The following ZFAND3 variants were observed in gnomAD, a reference collection of about 807,000 sequenced individuals.
ZFAND3 encodes the protein AN1-type zinc finger protein 3.
ZFAND3 carries 10 observed loss-of-function variants against 29.6 expected under a neutral mutation model. That is an observed-to-expected ratio of 0.34 (90% CI 0.21 to 0.57). The LOEUF is 0.57. Ranked by LOEUF, ZFAND3 falls within the 20% of genes least tolerant of loss-of-function variation. The pLI, the probability that ZFAND3 is intolerant of heterozygous loss-of-function variation, is 0.86. For synonymous variants in ZFAND3, 128 were observed against 112.6 expected (o/e 1.14, Z -0.87); for missense variants, 230 against 304.5 (o/e 0.76, Z 1.82).
At chr6:37,897,779 G>A (rs1765245900) in intron 1 of ZFAND3, among the ~76,000 whole-genome samples, 1 of 152,168 alleles carries the variant, frequency 6.6e-6, no homozygotes, top group Non-Finnish European at 1.5e-5. Flanking sequence ...ATAGATGTCT[G>A]CATTTTTGAA....
At chr6:37,959,483 G>A (rs1762157367) in intron 2 of ZFAND3, among the ~76,000 whole-genome samples, 1 of 152,032 alleles carries the variant, frequency 6.6e-6, no homozygotes, top group African/African-American at 2.4e-5. Flanking sequence ...TTAATAGTTA[G>A]CCTATTCTCT....
chr6:38,030,843 A>C (rs1240548301), intron 2 of ZFAND3, among the ~76,000 whole-genome samples: 1 of 152,234 alleles, frequency 6.6e-6, no homozygotes, highest in Non-Finnish European at 1.5e-5. Flanking sequence ...AATGGAGAAC[A>C]GAGGATGAAG....
At chr6:37,883,248 C>T (rs1273872048) in intron 1 of ZFAND3, among the ~76,000 whole-genome samples, 2 of 152,102 alleles carry the variant, frequency 1.3e-5, no homozygotes, top group African/African-American at 4.8e-5. Flanking sequence ...AAAACTAAAG[C>T]ATCTTACAGT....
intron 2 of ZFAND3, among the ~76,000 whole-genome samples, chr6:37,932,752 C>T (rs1761622719): frequency 6.6e-6 from 1 of 152,146 alleles, no homozygotes; most frequent in Admixed American, 6.5e-5. Context: ...TACAGTTTTA[C>T]TTTCTGTGTT....
chr6:38,134,833 A>C (rs139291839), intron 5 of ZFAND3, among the ~76,000 whole-genome samples: 139 of 152,318 alleles, frequency 9.1e-4, no homozygotes, highest in African/African-American at 3.0e-3. Flanking sequence ...GAGCCTGAAT[A>C]AGATTCTGTG....
chr6:37,894,476 C>T (rs150298443), intron 1 of ZFAND3, among the ~76,000 whole-genome samples: 3 of 151,750 alleles, frequency 2.0e-5, no homozygotes, highest in African/African-American at 7.3e-5. Flanking sequence ...CTCCAGTGAT[C>T]TTCCCACCTC....
intron 1 of ZFAND3, among the ~76,000 whole-genome samples, chr6:37,859,334 C>T (rs1764439063): frequency 6.6e-6 from 1 of 152,178 alleles, no homozygotes; most frequent in African/African-American, 2.4e-5. Context: ...CACACTTTTG[C>T]TTAAATTTTA....
At chr6:37,842,993 G>C (rs1467652278) in intron 1 of ZFAND3, among the ~76,000 whole-genome samples, 1 of 151,910 alleles carries the variant, frequency 6.6e-6, no homozygotes, top group Non-Finnish European at 1.5e-5. Flanking sequence ...GTGGTGGTGT[G>C]TGCCTGTAAT....
At chr6:37,862,084 TTTAAG>T (rs1295767824) in intron 1 of ZFAND3, among the ~76,000 whole-genome samples, 4 of 151,922 alleles carry the variant, frequency 2.6e-5, no homozygotes, top group Admixed American at 2.6e-4. Flanking sequence ...AATTTTATTT[TTTAAG>T]TTATGTTTTG....
At chr6:37,919,239 C>T (rs145720055) in intron 1 of ZFAND3, among the ~76,000 whole-genome samples, 114 of 152,232 alleles carry the variant, frequency 7.5e-4, no homozygotes, top group African/African-American at 2.3e-3. Context: ...TGAGCCACCG[C>T]GCCGGGCTGA....
chr6:37,999,102 G>A (rs924372156), intron 2 of ZFAND3, among the ~76,000 whole-genome samples: 13 of 152,068 alleles, frequency 8.5e-5, no homozygotes, highest in African/African-American at 3.1e-4. Flanking sequence ...ATATTATAGT[G>A]CCAAAAAGTA....
chr6:37,926,531 T>C (rs544867330), intron 1 of ZFAND3, among the ~76,000 whole-genome samples: 2 of 152,338 alleles, frequency 1.3e-5, no homozygotes, highest in South Asian at 2.1e-4. Context: ...CTCTCTCTCT[T>C]GTGATGTCAT....
At chr6:37,925,512 G>T (rs1463459444) in intron 1 of ZFAND3, among the ~76,000 whole-genome samples, 2 of 152,152 alleles carry the variant, frequency 1.3e-5, no homozygotes, top group East Asian at 3.9e-4. Context: ...AGAGCAGCCT[G>T]GCCAACATGG....
intron 4 of ZFAND3, among the ~76,000 whole-genome samples, chr6:38,102,052 T>C (rs925176732): frequency 6.6e-6 from 1 of 152,176 alleles, no homozygotes; most frequent in Non-Finnish European, 1.5e-5. Context: ...CATTAGCAAC[T>C]TGTCCTGTTA....
chr6:37,940,727 A>G (rs1443521249), intron 2 of ZFAND3, among the ~76,000 whole-genome samples: 1 of 152,228 alleles, frequency 6.6e-6, no homozygotes, highest in Non-Finnish European at 1.5e-5. Context: ...GAGAGTGACA[A>G]TTTTAACTAT....
In ZFAND3 at chr6:37,966,891, A is replaced by T. The variant is rs531527878; in HGVS notation, c.112+36892A>T. 3.9e-5 allele frequency among the ~76,000 whole-genome samples: 6 copies of T among 152,192 alleles called. No individual in the cohort carries two copies. The East Asian group carries it at 1.2e-3, about 29-fold the overall frequency. ...TTTCATGAACTTGGCACTTTTGGAG[A>T]TGACAAACCAGTTATAAGTTGTATT... On this transcript the variant is annotated intron_variant, in intron 2 of 5. Coordinates refer to ENST00000287218, the MANE Select transcript of ZFAND3 (RefSeq NM_021943.3).
At chr6:37,827,124 G>T (rs549278226) in intron 1 of ZFAND3, among the ~76,000 whole-genome samples, 2 of 151,954 alleles carry the variant, frequency 1.3e-5, no homozygotes, top group African/African-American at 4.8e-5. Context: ...ATTTCTTTCC[G>T]GCCCTAACAT....
At chr6:37,880,133 T>C (rs540429403) in intron 1 of ZFAND3, among the ~76,000 whole-genome samples, 2 of 152,290 alleles carry the variant, frequency 1.3e-5, no homozygotes, top group East Asian at 3.9e-4. Context: ...AAAAAGCCAA[T>C]AAAGGGCTTA....
chr6:37,892,512 G>A (rs895767359), intron 1 of ZFAND3, among the ~76,000 whole-genome samples: 1 of 152,138 alleles, frequency 6.6e-6, no homozygotes, highest in African/African-American at 2.4e-5. Flanking sequence ...TGTTAAGAGG[G>A]AAGAAAGATC....
Sources: gnomAD v4.1 joint callset for allele counts (sites outside exome capture counted in the v4.1 genomes callset) on GRCh38, gnomAD v4.1.1 for gene constraint, MANE v1.5 for transcripts, NCBI Gene and HGNC (gene_info 2026-07-23, HGNC 2026-07-21) for gene names.